MREG: variants seen among roughly 807,000 people sequenced by gnomAD.
MREG encodes melanoregulin, also known as dilute suppressor protein homolog.
Under a neutral mutation model 28.5 loss-of-function variants are expected in MREG, and 31 were observed. The observed-to-expected ratio is 1.09, with a 90% CI of 0.82 to 1.47. The LOEUF is 1.47. Ranked by LOEUF, MREG falls within the 40% of genes most tolerant of loss-of-function variation. The pLI is 0.00. For missense variants in MREG, 256 were observed against 257.4 expected (o/e 0.99, Z 0.04); for synonymous variants, 106 against 95.2 (o/e 1.11, Z -0.66).
chr2:215,993,961 G>GAAGAGGGCTTTGTCGTTCATGTTCCTC (rs1559190718), intron 2 of MREG, among the ~76,000 whole-genome samples: 6 of 152,090 alleles, frequency 3.9e-5, no homozygotes, highest in African/African-American at 1.5e-4. Context: ...TACACTGTTG[G>GAAGAGGGCTTTGTCGTTCATGTTCCTC]TGGGAGTGTA....
chr2:216,018,237 G>A (rs572595683), upstream of MREG, among the ~76,000 whole-genome samples: 126 of 152,306 alleles, frequency 8.3e-4, no homozygotes, highest in African/African-American at 2.8e-3. Flanking sequence ...AACATAGCAT[G>A]AGCTGGTATC....
chr2:215,984,330 A>C (rs997075490), intron 2 of MREG, among the ~76,000 whole-genome samples: 3 of 152,048 alleles, frequency 2.0e-5, no homozygotes, highest in South Asian at 2.1e-4. Flanking sequence ...CAGCCAAACC[A>C]TATCAGTTAG....
intron 2 of MREG, among the ~76,000 whole-genome samples, chr2:215,961,397 T>C (rs1692784259): frequency 6.6e-6 from 1 of 152,130 alleles, no homozygotes; most frequent in South Asian, 2.1e-4. Flanking sequence ...AACTAGCTTC[T>C]AGGTATCAGA....
chr2:215,939,520 C>T (rs563563700), downstream of MREG: 4 of 152,222 alleles, frequency 2.6e-5, no homozygotes, highest in East Asian at 5.8e-4. Context: ...CATTCTTAGG[C>T]AGACACAACA....
Position 215,980,101 on chromosome 2 carries a change from A to T in MREG, c.255+16205T>A, listed in dbSNP as rs151282689. The stretch of plus-strand genomic sequence containing the variant: ...TTTGACCATCACAAGCACAATACGC[A>T]GGAAATGCAGAGGTGCAGCAATGCG... On this transcript the variant is annotated intron_variant, in intron 2 of 4. Transcript: ENST00000263268. 1.3e-3 allele frequency among the ~76,000 whole-genome samples: 197 copies of T among 152,304 alleles called. 1 individual carries two copies. The highest frequency in any genetic ancestry group is 2.3e-3 in the Non-Finnish European group (158 of 68,026).
chr2:216,024,934 A>C (rs1694572725), intron 1 of MREG, among the ~76,000 whole-genome samples: 2 of 78,852 alleles, frequency 2.5e-5, no homozygotes, highest in South Asian at 9.2e-4. Context: ...AAAGGAACGG[A>C]AAGGAAGGGA....
In MREG at chr2:215,944,936, G is replaced by A; in HGVS notation, c.572C>T (p.Pro191Leu). ...EFFKLARRTY[P>L]KKPGVPCLAD... ...CAGGCATGGAACCCCAGGCTTCTTG[G>A]GGTAAGTTCGACGAGCAAGCTTAAA... is the stretch of plus-strand genomic sequence containing the variant. The change falls in exon 5 of 5, where the codon CCC becomes CTC. Residue 191 changes from proline (P) to leucine (L), a missense_variant. Pro to Leu is a moderately conservative substitution (Grantham distance 98). Coordinates refer to ENST00000263268, the MANE Select transcript of MREG (RefSeq NM_018000.3). 6.2e-7 allele frequency: 1 copy of A among 1,608,210 alleles called. No individual in the cohort carries two copies. The highest frequency in any genetic ancestry group is 8.5e-7 in the Non-Finnish European group (1 of 1,175,304).
At chr2:215,991,042 G>C (rs578248177) in intron 2 of MREG, among the ~76,000 whole-genome samples, 3 of 152,194 alleles carry the variant, frequency 2.0e-5, no homozygotes, top group Non-Finnish European at 4.4e-5. Flanking sequence ...GGAACAAGCA[G>C]ACCTAATAGA....
intron 2 of MREG, among the ~76,000 whole-genome samples, chr2:215,975,661 G>C (rs1693236932): frequency 6.6e-6 from 1 of 152,116 alleles, no homozygotes; most frequent in African/African-American, 2.4e-5. Flanking sequence ...TAACCTCATA[G>C]GTTTCTGTAC....
chr2:216,029,347 G>A (rs1029687736), intron 1 of MREG, among the ~76,000 whole-genome samples: 2 of 152,112 alleles, frequency 1.3e-5, no homozygotes, highest in South Asian at 2.1e-4. Context: ...GCGTGGTGGC[G>A]CGCTTCTGTA....
chr2:216,008,318 T>A (rs1694214605), intron 1 of MREG, among the ~76,000 whole-genome samples: 1 of 152,204 alleles, frequency 6.6e-6, no homozygotes, highest in African/African-American at 2.4e-5. Context: ...TGTGGGCCAT[T>A]CAGGAAAATT....
downstream of MREG, among the ~76,000 whole-genome samples, chr2:215,939,912 G>GTTGT (rs1692177209): frequency 6.6e-6 from 1 of 151,846 alleles, no homozygotes; most frequent in Non-Finnish European, 1.5e-5. Flanking sequence ...AACTACAGAT[G>GTTGT]TTTTTTTAAA....
intron 1 of MREG, among the ~76,000 whole-genome samples, chr2:216,030,609 T>C (rs567144895): frequency 6.6e-6 from 1 of 152,146 alleles, no homozygotes; most frequent in African/African-American, 2.4e-5. Flanking sequence ...AGTGGCACAA[T>C]CTCAGCTCAC....
At chr2:215,972,878 T>G (rs961720140) in intron 2 of MREG, among the ~76,000 whole-genome samples, 1 of 152,190 alleles carries the variant, frequency 6.6e-6, no homozygotes, top group Non-Finnish European at 1.5e-5. Flanking sequence ...CAGGTTAAAT[T>G]CATCCGCCAT....
chr2:215,975,127 C>T (rs1693220135), intron 2 of MREG, among the ~76,000 whole-genome samples: 1 of 151,246 alleles, frequency 6.6e-6, no homozygotes, highest in African/African-American at 2.4e-5. Context: ...CTGCAGGTAA[C>T]AGTCCACAAA....
chr2:215,945,028 G>T (rs764447253), intron 4 of MREG, 31 bp from the exon 5 acceptor site: 1 of 1,542,362 alleles, frequency 6.5e-7, no homozygotes, highest in East Asian at 2.3e-5. Flanking sequence ...CCAAAAAACT[G>T]CTGGCAAGAT....
At chr2:215,987,550 A>T (rs1693605637) in intron 2 of MREG, among the ~76,000 whole-genome samples, 1 of 152,130 alleles carries the variant, frequency 6.6e-6, no homozygotes, top group South Asian at 2.1e-4. Flanking sequence ...CGGCAACATA[A>T]GCAACTTTTA....
chr2:215,959,963 T>TC (rs1407189402), intron 2 of MREG, among the ~76,000 whole-genome samples: 2 of 135,910 alleles, frequency 1.5e-5, no homozygotes, highest in Non-Finnish European at 3.1e-5. Flanking sequence ...AGATACTCCT[T>TC]TTTTTTTTTT....
At chr2:216,006,211 C>T (rs995360065) in intron 1 of MREG, among the ~76,000 whole-genome samples, 2 of 152,118 alleles carry the variant, frequency 1.3e-5, no homozygotes, top group African/African-American at 2.4e-5. Flanking sequence ...ATGACTAATG[C>T]AAGTCACAAA....
Sources: gnomAD v4.1 joint callset for allele counts (sites outside exome capture counted in the v4.1 genomes callset) on GRCh38, gnomAD v4.1.1 for gene constraint, MANE v1.5 for transcripts, NCBI Gene and HGNC (gene_info 2026-07-23, HGNC 2026-07-21) for gene names.